Variants in SPAG16 observed in about 807,000 individuals in gnomAD.
The protein encoded by SPAG16 is sperm-associated antigen 16 protein.
A neutral mutation model predicts 80.4 loss-of-function variants in SPAG16; 86 were observed. The ratio of observed to expected loss-of-function variants is 1.07; its 90% confidence interval spans 0.90 to 1.28. SPAG16 has a LOEUF of 1.28. Ranked by LOEUF, SPAG16 falls within the 50% of genes most tolerant of loss-of-function variation. SPAG16 has a pLI of 0.00. For missense variants in SPAG16, 870 were observed against 765.3 expected (o/e 1.14, Z -1.61); for synonymous variants, 294 against 265.9 (o/e 1.11, Z -1.03).
At position 213,459,206 on chromosome 2, in the gene SPAG16, G is replaced by A. The variant is rs370870790; in HGVS notation, c.943-30757G>A. Among the ~76,000 whole-genome samples the A allele has an allele frequency of 1.4e-4, 21 of 152,204 alleles. 1 individual carries two copies. Among genetic ancestry groups the A allele is most frequent in the African/African-American group, 5.1e-4 (21 of 41,526 alleles). Reference sequence around the variant, plus strand: ...TGAGTTCTTCATTTTCTGCATTCTTGTTGGTGAGTTTCTAATGTCCATCAT... The same window carrying A: ...TGAGTTCTTCATTTTCTGCATTCTTATTGGTGAGTTTCTAATGTCCATCAT... On this transcript the variant is annotated intron_variant, in intron 9 of 15. Transcript: ENST00000331683.
chr2:214,225,933 T>G (rs953140880), intron 15 of SPAG16, among the ~76,000 whole-genome samples: 5 of 152,162 alleles, frequency 3.3e-5, no homozygotes, highest in African/African-American at 9.6e-5. Flanking sequence ...CTATACAGTC[T>G]AGAAGTGGTA....
intron 14 of SPAG16, among the ~76,000 whole-genome samples, chr2:214,132,599 GC>G (rs1276997787): frequency 6.6e-6 from 1 of 152,158 alleles, no homozygotes; most frequent in Non-Finnish European, 1.5e-5. Flanking sequence ...TTGTGTTGGA[GC>G]CAAGTTTTAA....
chr2:213,514,504 A>G (rs997171051), intron 10 of SPAG16, among the ~76,000 whole-genome samples: 3 of 152,028 alleles, frequency 2.0e-5, no homozygotes, highest in African/African-American at 7.2e-5. Context: ...TTTAGGGTAC[A>G]TGTGCACATT....
At chr2:213,539,495 T>C (rs2125911810) in intron 10 of SPAG16, among the ~76,000 whole-genome samples, 1 of 152,332 alleles carries the variant, frequency 6.6e-6, no homozygotes, top group Non-Finnish European at 1.5e-5. Context: ...TGGGTGTTTA[T>C]GAAAAAGTCC....
chr2:213,968,155 CCTCTT>C (rs955631802), intron 12 of SPAG16, among the ~76,000 whole-genome samples: 3 of 108,404 alleles, frequency 2.8e-5, no homozygotes, highest in African/African-American at 8.6e-5. Flanking sequence ...TCTCTTCTCT[CCTCTT>C]CTCTTCTCAT....
intron 10 of SPAG16, among the ~76,000 whole-genome samples, chr2:213,601,448 A>G (rs1207475052): frequency 6.6e-6 from 1 of 152,210 alleles, no homozygotes. Flanking sequence ...TCATAAATTT[A>G]GAGGCTAAAT....
At chr2:213,805,624 T>C (rs57716656) in intron 10 of SPAG16, among the ~76,000 whole-genome samples, 4 of 152,298 alleles carry the variant, frequency 2.6e-5, no homozygotes, top group African/African-American at 9.6e-5. Context: ...CTTATAATAA[T>C]AGTGTAGAAA....
At chr2:213,837,548 T>A (rs1385062548) in intron 10 of SPAG16, among the ~76,000 whole-genome samples, 1 of 152,248 alleles carries the variant, frequency 6.6e-6, no homozygotes, top group Non-Finnish European at 1.5e-5. Context: ...ATTTTGCAAC[T>A]AAGACATCGG....
chr2:213,968,781 A>C (rs1035952876), intron 12 of SPAG16, among the ~76,000 whole-genome samples: 1 of 152,244 alleles, frequency 6.6e-6, no homozygotes, highest in Non-Finnish European at 1.5e-5. Flanking sequence ...GAATCATAAT[A>C]TATATCACCT....
intron 11 of SPAG16, among the ~76,000 whole-genome samples, chr2:213,894,629 GTA>G (rs1218775711): frequency 6.6e-6 from 1 of 152,066 alleles, no homozygotes; most frequent in Non-Finnish European, 1.5e-5. Context: ...AAATTTAAAA[GTA>G]TCCAAATTGG....
chr2:213,706,436 G>T (rs193267816), intron 10 of SPAG16, among the ~76,000 whole-genome samples: 1 of 152,126 alleles, frequency 6.6e-6, no homozygotes, highest in African/African-American at 2.4e-5. Context: ...ATTTTTTTTG[G>T]AAAGAATTTA....
chr2:213,388,708 C>G (rs1337079520), intron 9 of SPAG16, among the ~76,000 whole-genome samples: 1 of 151,984 alleles, frequency 6.6e-6, no homozygotes, highest in Non-Finnish European at 1.5e-5. Context: ...ACAATCAGAA[C>G]AGGAAATTAT....
chr2:213,425,270 A>G (rs1461985361), intron 9 of SPAG16, among the ~76,000 whole-genome samples: 1 of 152,116 alleles, frequency 6.6e-6, no homozygotes, highest in Non-Finnish European at 1.5e-5. Flanking sequence ...CAGTGAGCCA[A>G]GATCACACCA....
At chr2:213,661,471 G>A (rs1053849703) in intron 10 of SPAG16, among the ~76,000 whole-genome samples, 1 of 152,108 alleles carries the variant, frequency 6.6e-6, no homozygotes, top group Non-Finnish European at 1.5e-5. Context: ...AATATGAATG[G>A]AATGCTAGGT....
At chr2:213,360,133 C>G (rs1406692619) in intron 7 of SPAG16, among the ~76,000 whole-genome samples, 1 of 152,094 alleles carries the variant, frequency 6.6e-6, no homozygotes, top group African/African-American at 2.4e-5. Flanking sequence ...GAGCTGTCAC[C>G]ACAGGTTTTA....
At chr2:213,466,172 T>A (rs2072682659) in intron 9 of SPAG16, among the ~76,000 whole-genome samples, 1 of 152,194 alleles carries the variant, frequency 6.6e-6, no homozygotes, top group Non-Finnish European at 1.5e-5. Context: ...TCTTCTCAGC[T>A]TGCAGACAGC....
At chr2:214,255,508 A>T (rs965008724) in intron 15 of SPAG16, among the ~76,000 whole-genome samples, 1 of 151,928 alleles carries the variant, frequency 6.6e-6, no homozygotes, top group Non-Finnish European at 1.5e-5. Context: ...TTTAAAATTG[A>T]CTTGCAGGTA....
intron 13 of SPAG16, among the ~76,000 whole-genome samples, chr2:214,033,620 A>G (rs998183725): frequency 6.6e-6 from 1 of 152,198 alleles, no homozygotes; most frequent in African/African-American, 2.4e-5. Context: ...CAGTCTTACC[A>G]AAAAGTTGTA....
chr2:213,420,632 A>G (rs1435429482), intron 9 of SPAG16, among the ~76,000 whole-genome samples: 1 of 152,206 alleles, frequency 6.6e-6, no homozygotes, highest in Non-Finnish European at 1.5e-5. Context: ...AAGGCCATAT[A>G]TTGTTTAACC....
Sources: allele counts gnomAD v4.1 joint callset (sites outside exome capture counted in the v4.1 genomes callset), GRCh38; gene constraint gnomAD v4.1.1; transcripts MANE v1.5; gene names NCBI Gene and HGNC (gene_info 2026-07-23, HGNC 2026-07-21).